Variants in SLC12A8 observed in about 807,000 individuals in gnomAD.
SLC12A8 encodes cation-chloride cotransporter 9.
In SLC12A8, 69 loss-of-function variants were observed where a neutral mutation model predicts 75.6. The observed-to-expected ratio is 0.91, with a 90% CI of 0.75 to 1.11. The LOEUF is 1.11. Ranked by LOEUF, SLC12A8 falls within the 50% of genes most tolerant of loss-of-function variation. The pLI is 0.00. For missense variants in SLC12A8, 877 were observed against 896.7 expected (o/e 0.98, Z 0.28); for synonymous variants, 365 against 372.8 (o/e 0.98, Z 0.24).
intron 2 of SLC12A8, among the ~76,000 whole-genome samples, chr3:125,202,298 G>A (rs1481949315): frequency 2.0e-5 from 3 of 152,190 alleles, no homozygotes; most frequent in Non-Finnish European, 4.4e-5. Context: ...TTATTCTGAA[G>A]AGATGTGTTT....
chr3:125,136,746 T>C (rs1033196189), intron 5 of SLC12A8, among the ~76,000 whole-genome samples: 1 of 152,238 alleles, frequency 6.6e-6, no homozygotes, highest in Non-Finnish European at 1.5e-5. Flanking sequence ...TAAACATTTT[T>C]GTACATCGAC....
chr3:125,172,718 G>A (rs1934431532), intron 5 of SLC12A8, among the ~76,000 whole-genome samples: 1 of 152,252 alleles, frequency 6.6e-6, no homozygotes. Flanking sequence ...GAAAGAAGTG[G>A]AGAAACTGAG....
chr3:125,211,487 C>T, intron 1 of SLC12A8, 93 bp from the exon 2 acceptor site: 1 of 763,104 alleles, frequency 1.3e-6, no homozygotes, highest in East Asian at 2.5e-5. Flanking sequence ...GTTCAAACTA[C>T]CAGGCGAGGC....
In SLC12A8 at chr3:125,141,744, G is replaced by T. The variant is rs1002597874; in HGVS notation, c.623-5962C>A. On this transcript the variant is annotated intron_variant, in intron 5 of 13. Transcript: ENST00000469902. Reference sequence around the variant, plus strand: ...GGGCTTCCGGCGGCGCTCTCTTCTGGGTCCCCCACCCCTGGACCAGCGACC... The same window carrying T: ...GGGCTTCCGGCGGCGCTCTCTTCTGTGTCCCCCACCCCTGGACCAGCGACC... 2.6e-5 allele frequency among the ~76,000 whole-genome samples: 4 copies of T among 152,250 alleles called. No homozygotes were observed. In the East Asian group the frequency reaches 5.8e-4, roughly 22 times the overall value.
Position 125,173,109 on chromosome 3 carries a change from A to G in SLC12A8, c.622+4634T>C, listed in dbSNP as rs140097072. On this transcript the variant is annotated intron_variant, in intron 5 of 13. Transcript: ENST00000469902. ...CAGGAGAATTGCTTGAACCCAAGAG[A>G]TGGAGGTTGTAGTGAGCCAAGATTG... Among the ~76,000 whole-genome samples the G allele has an allele frequency of 7.9e-5, 12 of 152,042 alleles. No homozygotes were observed. The East Asian group carries it at 2.3e-3, about 29-fold the overall frequency.
At chr3:125,182,775 G>A (rs1023587162) in intron 4 of SLC12A8, among the ~76,000 whole-genome samples, 1 of 152,050 alleles carries the variant, frequency 6.6e-6, no homozygotes, top group African/African-American at 2.4e-5. Flanking sequence ...CAAAGTTCTG[G>A]GATTACAGGC....
At chr3:125,190,571 G>C (rs1934892410) in intron 2 of SLC12A8, 50 bp from the exon 3 acceptor site, 1 of 1,601,712 alleles carries the variant, frequency 6.2e-7, no homozygotes, top group South Asian at 1.1e-5. Flanking sequence ...GGGAGGGCCA[G>C]GGATGGCATG....
At chr3:125,125,589 T>A (rs78777213) in intron 6 of SLC12A8, among the ~76,000 whole-genome samples, 1,768 of 152,256 alleles carry the variant, frequency 0.012, 21 homozygotes, top group South Asian at 0.03. Context: ...ATAAAACAGT[T>A]ATTTAGAATC....
At chr3:125,160,892 G>T (rs1027710616) in intron 5 of SLC12A8, among the ~76,000 whole-genome samples, 1 of 152,182 alleles carries the variant, frequency 6.6e-6, no homozygotes, top group African/African-American at 2.4e-5. Flanking sequence ...GGGAGAACTG[G>T]GTTCCAACAG....
chr3:125,179,333 A>G (rs746450791), intron 4 of SLC12A8, among the ~76,000 whole-genome samples: 14 of 152,208 alleles, frequency 9.2e-5, no homozygotes, highest in Non-Finnish European at 1.3e-4. Flanking sequence ...ATCTTAAAAA[A>G]TTGTTTATGC....
intron 6 of SLC12A8, among the ~76,000 whole-genome samples, chr3:125,123,213 A>G (rs1029021378): frequency 2.0e-5 from 3 of 151,730 alleles, no homozygotes; most frequent in African/African-American, 4.8e-5. Flanking sequence ...CATCTCTACT[A>G]AAAATGCAAA....
chr3:125,206,727 T>G (rs1323079476), intron 2 of SLC12A8: 5 of 152,230 alleles, frequency 3.3e-5, no homozygotes, highest in Non-Finnish European at 5.9e-5. Flanking sequence ...ACGGGAAGCA[T>G]AGCAGCTTCT....
chr3:125,120,215 T>G (rs576708543), intron 7 of SLC12A8, among the ~76,000 whole-genome samples: 1 of 151,018 alleles, frequency 6.6e-6, no homozygotes, highest in Non-Finnish European at 1.5e-5. Context: ...CAGCCCCAAT[T>G]CGTCTGATTG....
At chr3:125,173,739 AT>A (rs1434483455) in intron 5 of SLC12A8, among the ~76,000 whole-genome samples, 6 of 152,206 alleles carry the variant, frequency 3.9e-5, no homozygotes, top group Non-Finnish European at 8.8e-5. Context: ...GGGAGAAAAA[AT>A]TTGCAAAACA....
intron 5 of SLC12A8, among the ~76,000 whole-genome samples, chr3:125,153,417 T>C (rs552855409): frequency 2.2e-4 from 33 of 152,338 alleles, no homozygotes; most frequent in Admixed American, 1.9e-3. Flanking sequence ...TTCTGCTATA[T>C]CTGATGCCTT....
Position 125,187,532 on chromosome 3 carries a change from A to G in SLC12A8, c.199-104T>C. On this transcript the variant is annotated intron_variant, in intron 3 of 13. Transcript: ENST00000469902. ...TCCCCTCCTCCCACAGCACTGGAAT[A>G]GGGGCCAGGGGTGGGGGCACAGAGT... is the stretch of plus-strand genomic sequence containing the variant. 3.9e-6 allele frequency: 4 copies of G among 1,021,656 alleles called. No homozygotes were observed. The East Asian group carries it at 1.0e-4, about 27-fold the overall frequency. The allele number at this position is 1,021,656 out of a possible 1,614,324, so 63.3% of individuals were successfully genotyped here. A position where few individuals can be genotyped will look rare whatever the true frequency, so the allele number is the denominator to read the frequency against.
chr3:125,125,861 T>C (rs1933191788), intron 6 of SLC12A8: 4 of 843,190 alleles, frequency 4.7e-6, no homozygotes, highest in African/African-American at 1.8e-5. Flanking sequence ...GCATGATTAA[T>C]GTGGGGTTAC....
In SLC12A8 at chr3:125,107,849, G is replaced by C; in HGVS notation, c.1337C>G (p.Pro446Arg). The C allele has an allele frequency of 6.2e-7, 1 of 1,614,182 alleles. No homozygotes were observed. Among genetic ancestry groups the C allele is most frequent in the Non-Finnish European group, 8.5e-7 (1 of 1,180,038 alleles). ...EKAPSYGSEG[P>R]AQRVLEGTLL... Reference sequence around the variant, plus strand: ...CGTGCCCTCCAAGACTCTTTGGGCAGGTCCCTCAGAGCCGTAACTGGGAGC... The same window carrying C: ...CGTGCCCTCCAAGACTCTTTGGGCACGTCCCTCAGAGCCGTAACTGGGAGC... The change falls in exon 10 of 14, where the codon CCT becomes CGT. Residue 446 changes from proline (P) to arginine (R), a missense_variant. Coordinates refer to ENST00000469902, the MANE Select transcript of SLC12A8 (RefSeq NM_024628.6).
chr3:125,131,450 G>A (rs956895906), intron 6 of SLC12A8, among the ~76,000 whole-genome samples: 1 of 152,082 alleles, frequency 6.6e-6, no homozygotes, highest in African/African-American at 2.4e-5. Flanking sequence ...GCAGTGGCAC[G>A]ATTTCAGCGC....
Sources: gnomAD v4.1 joint callset for allele counts (sites outside exome capture counted in the v4.1 genomes callset) on GRCh38, gnomAD v4.1.1 for gene constraint, MANE v1.5 for transcripts, NCBI Gene and HGNC (gene_info 2026-07-23, HGNC 2026-07-21) for gene names.